Variants in PTPRM observed in about 807,000 individuals in gnomAD.
The protein encoded by PTPRM is protein tyrosine phosphatase receptor type M, also known as receptor-type tyrosine-protein phosphatase mu.
Under a neutral mutation model 186.7 loss-of-function variants are expected in PTPRM, and 47 were observed. The ratio of observed to expected loss-of-function variants is 0.25; its 90% CI spans 0.20 to 0.32. The LOEUF (loss-of-function observed/expected upper bound fraction) is 0.32, where lower values mean the gene tolerates loss of function less well. Among genes scored for constraint, PTPRM ranks in the 10% least tolerant of loss-of-function variants. The pLI, the probability that PTPRM is intolerant of heterozygous loss-of-function variation, is 1.00. For synonymous variants in PTPRM, 668 were observed against 674.9 expected (o/e 0.99, Z 0.16); for missense variants, 1,494 against 1,865.0 (o/e 0.80, Z 3.66).
At chr18:7,785,467 GC>G (rs1343308258) in intron 2 of PTPRM, among the ~76,000 whole-genome samples, 2 of 152,174 alleles carry the variant, frequency 1.3e-5, no homozygotes, top group Non-Finnish European at 2.9e-5. Flanking sequence ...GCGCATGTGT[GC>G]AGATATGGTA....
chr18:7,776,361 G>C (rs910331982), intron 2 of PTPRM, among the ~76,000 whole-genome samples: 1 of 152,168 alleles, frequency 6.6e-6, no homozygotes, highest in Non-Finnish European at 1.5e-5. Flanking sequence ...GCATTTGAGT[G>C]AGGAAAGGGA....
At chr18:8,280,323 T>C (rs1003613496) in intron 19 of PTPRM, among the ~76,000 whole-genome samples, 6 of 151,316 alleles carry the variant, frequency 4.0e-5, no homozygotes, top group Admixed American at 6.6e-5. Context: ...AAGTACTTCT[T>C]TGAAGGCCCC....
At chr18:7,644,163 A>G (rs981699006) in intron 1 of PTPRM, among the ~76,000 whole-genome samples, 9 of 152,308 alleles carry the variant, frequency 5.9e-5, no homozygotes, top group African/African-American at 2.2e-4. Flanking sequence ...TTCTACTTAC[A>G]AAAGGTGCTC....
At chr18:8,091,899 G>A (rs151190514) in intron 11 of PTPRM, among the ~76,000 whole-genome samples, 63 of 152,210 alleles carry the variant, frequency 4.1e-4, no homozygotes, top group Non-Finnish European at 6.9e-4. Context: ...TAATCAAACT[G>A]CAGTACAAGA....
At chr18:8,092,438 G>A (rs1354279084) in intron 11 of PTPRM, among the ~76,000 whole-genome samples, 1 of 151,926 alleles carries the variant, frequency 6.6e-6, no homozygotes, top group African/African-American at 2.4e-5. Context: ...TTTTGAGACA[G>A]GTTCTCACTC....
chr18:7,636,461 T>C (rs1356182134), intron 1 of PTPRM, among the ~76,000 whole-genome samples: 1 of 152,176 alleles, frequency 6.6e-6, no homozygotes, highest in Non-Finnish European at 1.5e-5. Context: ...GTCTTCCTTG[T>C]CATGATTATA....
chr18:7,948,887 G>A (rs892779031), intron 5 of PTPRM, among the ~76,000 whole-genome samples: 3 of 152,124 alleles, frequency 2.0e-5, no homozygotes, highest in Non-Finnish European at 4.4e-5. Flanking sequence ...AAGGTAACAA[G>A]TTTTCTGTAT....
At chr18:7,863,572 G>A (rs528218095) in intron 2 of PTPRM, among the ~76,000 whole-genome samples, 1 of 152,226 alleles carries the variant, frequency 6.6e-6, no homozygotes, top group Non-Finnish European at 1.5e-5. Flanking sequence ...GTGCATATGT[G>A]TCACATTTTC....
At chr18:8,264,536 C>T (rs149877352) in intron 19 of PTPRM, among the ~76,000 whole-genome samples, 1,791 of 152,032 alleles carry the variant, frequency 0.012, 32 homozygotes, top group African/African-American at 0.036. Flanking sequence ...TTTGGGAGGC[C>T]GAGGCGGGCA....
intron 7 of PTPRM, among the ~76,000 whole-genome samples, chr18:8,025,853 A>G (rs559712037): frequency 1.6e-3 from 243 of 152,320 alleles, no homozygotes; most frequent in African/African-American, 5.5e-3. Context: ...TTAGCTGTCT[A>G]TCATGAAGCC....
Position 8,248,153 on chromosome 18 carries a change from C to T in PTPRM, c.2531C>T (p.Pro844Leu). The T allele has an allele frequency of 1.3e-6, 2 of 1,532,434 alleles. No homozygotes were observed. Among genetic ancestry groups the T allele is most frequent in the Non-Finnish European group, 1.8e-6 (2 of 1,105,796 alleles). 94.9% of individuals were successfully genotyped at this position (1,532,434 alleles called of 1,614,324 possible). The part of the protein sequence containing the change: ...TSVPNSYYPD[P>L]FVPTAILVPI... Reference sequence around the variant, plus strand: ...ACCTGCTTACGGTGTATGACAGACCCATTTGTGCCAACTGCAATTTTAGGT... The same window carrying T: ...ACCTGCTTACGGTGTATGACAGACCTATTTGTGCCAACTGCAATTTTAGGT... Residue 844 changes from proline (P) to leucine (L), a missense_variant, in exon 17 of 33, where the codon CCA becomes CTA. Physicochemically the swap from Pro to Leu is moderately conservative, Grantham distance 98. Coordinates refer to ENST00000580170, the MANE Select transcript of PTPRM (RefSeq NM_001105244.2).
intron 2 of PTPRM, among the ~76,000 whole-genome samples, chr18:7,810,143 G>A (rs1460402712): frequency 6.6e-6 from 1 of 152,216 alleles, no homozygotes; most frequent in African/African-American, 2.4e-5. Flanking sequence ...AACACCCCTC[G>A]CACCTACCCG....
intron 1 of PTPRM, among the ~76,000 whole-genome samples, chr18:7,605,428 C>CCCG (rs1555637737): frequency 1.3e-5 from 2 of 151,830 alleles, no homozygotes; most frequent in African/African-American, 4.8e-5. Context: ...GTCCCCCCCC[C>CCCG]ACTTCCGTTC....
intron 1 of PTPRM, among the ~76,000 whole-genome samples, chr18:7,632,061 A>T (rs2038204983): frequency 6.6e-6 from 1 of 152,234 alleles, no homozygotes; most frequent in Non-Finnish European, 1.5e-5. Context: ...CGTTGTGCTC[A>T]GAACTAAATA....
chr18:7,951,022 G>T (rs937179251), intron 6 of PTPRM, among the ~76,000 whole-genome samples: 6 of 152,228 alleles, frequency 3.9e-5, no homozygotes, highest in African/African-American at 1.4e-4. Context: ...AGTGACTGAT[G>T]TTCGGCGTAA....
intron 1 of PTPRM, among the ~76,000 whole-genome samples, chr18:7,625,391 T>C (rs1401352495): frequency 6.6e-6 from 1 of 152,254 alleles, no homozygotes; most frequent in East Asian, 1.9e-4. Context: ...TGATTCTGTT[T>C]GCTATTTTTG....
intron 1 of PTPRM, among the ~76,000 whole-genome samples, chr18:7,619,413 G>A (rs950137150): frequency 6.6e-6 from 1 of 152,102 alleles, no homozygotes; most frequent in Non-Finnish European, 1.5e-5. Flanking sequence ...CTCCAGTCCC[G>A]GAAAAGTCTT....
chr18:8,039,137 A>G (rs2086535286), intron 7 of PTPRM, among the ~76,000 whole-genome samples: 1 of 152,184 alleles, frequency 6.6e-6, no homozygotes, highest in South Asian at 2.1e-4. Flanking sequence ...CCAGCCTTTG[A>G]AAGTTAATAA....
At chr18:8,084,682 C>G (rs1397287471) in intron 9 of PTPRM, among the ~76,000 whole-genome samples, 1 of 152,054 alleles carries the variant, frequency 6.6e-6, no homozygotes, top group Non-Finnish European at 1.5e-5. Context: ...TATTTAAAAG[C>G]AAGAAAAGTG....
Sources: gnomAD v4.1 joint callset for allele counts (sites outside exome capture counted in the v4.1 genomes callset) on GRCh38, gnomAD v4.1.1 for gene constraint, MANE v1.5 for transcripts, NCBI Gene and HGNC (gene_info 2026-07-23, HGNC 2026-07-21) for gene names.